LRRC4C: variants seen among roughly 807,000 people sequenced by gnomAD.
The protein encoded by LRRC4C is leucine-rich repeat-containing protein 4C.
Under a neutral mutation model 33.6 loss-of-function variants are expected in LRRC4C, and 5 were observed. The ratio of observed to expected loss-of-function variants is 0.15; its 90% CI spans 0.08 to 0.31. The LOEUF is 0.31. Among genes scored for constraint, LRRC4C ranks in the 10% least tolerant of loss-of-function variants. The pLI, the probability that LRRC4C is intolerant of heterozygous loss-of-function variation, is 1.00. For missense variants in LRRC4C, 560 were observed against 796.7 expected (o/e 0.70, Z 3.58); for synonymous variants, 329 against 302.0 (o/e 1.09, Z -0.93).
intron 5 of LRRC4C, among the ~76,000 whole-genome samples, chr11:40,141,563 A>C (rs1241271338): frequency 6.6e-6 from 1 of 152,232 alleles, no homozygotes; most frequent in Admixed American, 6.5e-5. Context: ...GTTGGTACAG[A>C]CTGTACAAAG....
At chr11:40,319,592 C>T (rs1380214164) in intron 4 of LRRC4C, 36 bp downstream of exon 4, 1 of 151,996 alleles carries the variant, frequency 6.6e-6, no homozygotes, top group African/African-American at 2.4e-5. Flanking sequence ...AGAATGGAAG[C>T]CCCTAAAGAA....
At chr11:41,377,014 T>G (rs2137843344) in intron 1 of LRRC4C, among the ~76,000 whole-genome samples, 1 of 152,260 alleles carries the variant, frequency 6.6e-6, no homozygotes, top group Non-Finnish European at 1.5e-5. Context: ...TCCAATTTTC[T>G]GAAGTCTGAA....
At chr11:40,695,913 A>G (rs1317589609) in intron 2 of LRRC4C, among the ~76,000 whole-genome samples, 1 of 151,934 alleles carries the variant, frequency 6.6e-6, no homozygotes, top group Non-Finnish European at 1.5e-5. Context: ...GAAAGATAAT[A>G]TATTCACAGG....
Position 40,115,643 on chromosome 11 carries a change from G to T in LRRC4C, c.650C>A (p.Pro217Gln), listed in dbSNP as rs375080235. Residue 217 changes from proline to glutamine, a missense_variant, in exon 7 of 7, where the codon CCG (proline) becomes CAG (glutamine). Physicochemically the swap from Pro to Gln is moderately conservative, Grantham distance 76. Transcript: ENST00000528697. The surrounding 1 kb of genome is among the most constrained non-coding windows in gnomAD (Gnocchi z 6.7). ...CNLREIPNLT[P>Q]LIKLDELDLS... The stretch of plus-strand genomic sequence containing the variant: ...ATCCAGCTCATCTAGTTTTATGAGC[G>T]GTGTGAGGTTAGGGATTTCCCGAAG... 34 of 1,614,010 alleles carry T rather than the reference G, an allele frequency of 2.1e-5. 1 individual carries two copies. Among genetic ancestry groups the T allele is most frequent in the Admixed American group, 5.0e-5 (3 of 60,000 alleles).
At chr11:41,156,047 T>G (rs1362659367) in intron 1 of LRRC4C, among the ~76,000 whole-genome samples, 1 of 152,154 alleles carries the variant, frequency 6.6e-6, no homozygotes, top group Non-Finnish European at 1.5e-5. Context: ...GTTATTCAGC[T>G]TTGTGTAGGA....
chr11:40,414,725 T>G (rs1038293970), intron 3 of LRRC4C, among the ~76,000 whole-genome samples: 2 of 152,108 alleles, frequency 1.3e-5, no homozygotes, highest in African/African-American at 2.4e-5. Context: ...AACTCTATTA[T>G]TAATAAAATG....
At chr11:40,483,506 C>T (rs1402677262) in intron 3 of LRRC4C, among the ~76,000 whole-genome samples, 2 of 151,902 alleles carry the variant, frequency 1.3e-5, no homozygotes, top group Non-Finnish European at 2.9e-5. Context: ...GGCAATTACA[C>T]ATGTGAAAAA....
chr11:40,949,881 G>A (rs1304555115), intron 1 of LRRC4C, among the ~76,000 whole-genome samples: 2 of 152,080 alleles, frequency 1.3e-5, no homozygotes, highest in Non-Finnish European at 2.9e-5. Flanking sequence ...AACTTTAAAT[G>A]TAAAGGGACT....
At chr11:41,304,319 C>T (rs1246797785) in intron 1 of LRRC4C, among the ~76,000 whole-genome samples, 5 of 108,848 alleles carry the variant, frequency 4.6e-5, no homozygotes, top group Non-Finnish European at 5.8e-5. Flanking sequence ...CCCCTCTGCC[C>T]GGCCAGCCGC....
chr11:41,305,002 A>T (rs1200398399), intron 1 of LRRC4C, among the ~76,000 whole-genome samples: 2 of 70,400 alleles, frequency 2.8e-5, no homozygotes, highest in African/African-American at 1.1e-4. Context: ...CTGGGAAGTG[A>T]GGAGCCCCTC....
chr11:41,093,927 CAAAAAAAA>C (rs56173087), intron 1 of LRRC4C, among the ~76,000 whole-genome samples: 11 of 59,002 alleles, frequency 1.9e-4, no homozygotes, highest in African/African-American at 6.7e-4. Flanking sequence ...CCGTCTCCAC[CAAAAAAAA>C]AAAAAAAAAA....
intron 1 of LRRC4C, among the ~76,000 whole-genome samples, chr11:41,065,567 A>AG (rs1240772897): frequency 1.3e-5 from 2 of 152,314 alleles, no homozygotes; most frequent in African/African-American, 4.8e-5. Context: ...AGCTCTGCTA[A>AG]GGGACATACT....
Position 41,169,833 on chromosome 11 carries a change from A to G in LRRC4C, c.-495-236110T>C, listed in dbSNP as rs192478226. On this transcript the variant is annotated intron_variant, in intron 1 of 6. Coordinates refer to ENST00000528697, the MANE Select transcript of LRRC4C (RefSeq NM_001258419.2). ...AATTCCCCCTTTCAATGGTATTGTA[A>G]GTTTAACACAGGAAAACCGTGCTTA... 9.1e-4 allele frequency among the ~76,000 whole-genome samples: 139 copies of G among 152,296 alleles called. 1 individual carries two copies. Among genetic ancestry groups the G allele is most frequent in the African/African-American group, 3.2e-3 (134 of 41,584 alleles).
At chr11:40,801,623 A>G (rs1342279771) in intron 2 of LRRC4C, among the ~76,000 whole-genome samples, 1 of 152,166 alleles carries the variant, frequency 6.6e-6, no homozygotes, top group Admixed American at 6.5e-5. Context: ...TCTTCTTGTT[A>G]ATACCATCTA....
chr11:40,975,397 T>C (rs750625643), intron 1 of LRRC4C, among the ~76,000 whole-genome samples: 2 of 152,174 alleles, frequency 1.3e-5, no homozygotes, highest in Non-Finnish European at 1.5e-5. Flanking sequence ...GGAACCCTAA[T>C]ACAATAAGCT....
intron 2 of LRRC4C, among the ~76,000 whole-genome samples, chr11:40,759,958 ACAAC>A (rs1264383809): frequency 1.7e-4 from 15 of 87,796 alleles, no homozygotes; most frequent in East Asian, 3.1e-4. Flanking sequence ...ACAAACAACA[ACAAC>A]AAAAAAAAAA....
At chr11:41,117,353 A>G (rs1379473246) in intron 1 of LRRC4C, among the ~76,000 whole-genome samples, 1 of 152,192 alleles carries the variant, frequency 6.6e-6, no homozygotes, top group Non-Finnish European at 1.5e-5. Context: ...ATAACAAAAT[A>G]TTAAGTATCA....
intron 1 of LRRC4C, among the ~76,000 whole-genome samples, chr11:41,388,062 T>G (rs1953431160): frequency 6.6e-6 from 1 of 151,962 alleles, no homozygotes; most frequent in South Asian, 2.1e-4. Flanking sequence ...TGAATTGAAA[T>G]ATATTATTTT....
chr11:40,916,228 C>G (rs1215752690), intron 2 of LRRC4C, among the ~76,000 whole-genome samples: 2 of 152,154 alleles, frequency 1.3e-5, no homozygotes, highest in African/African-American at 2.4e-5. Flanking sequence ...AATCATGCCA[C>G]TATAAAGACA....
Sources: gnomAD v4.1 joint callset for allele counts (sites outside exome capture counted in the v4.1 genomes callset) on GRCh38, gnomAD v4.1.1 for gene constraint, Gnocchi (gnomAD v3.1) non-coding constraint, MANE v1.5 for transcripts, NCBI Gene and HGNC (gene_info 2026-07-23, HGNC 2026-07-21) for gene names.